Variants in BICD1 observed in about 807,000 individuals in gnomAD.
BICD1 encodes the protein BICD cargo adaptor 1, also known as protein bicaudal D homolog 1.
In BICD1, 35 loss-of-function variants were observed where a neutral mutation model predicts 92.5. The observed-to-expected ratio is 0.38, with a 90% CI of 0.29 to 0.50. The LOEUF is 0.50. BICD1 is among the 20% of genes least tolerant of loss of function. BICD1 has a pLI of 0.93. For synonymous variants in BICD1, 429 were observed against 465.1 expected (o/e 0.92, Z 1.00); for missense variants, 950 against 1,189.8 (o/e 0.80, Z 2.97).
At chr12:32,348,723 A>AATATATATAT (rs11272207) in intron 8 of BICD1, among the ~76,000 whole-genome samples, 49 of 117,970 alleles carry the variant, frequency 4.2e-4, no homozygotes, top group South Asian at 1.2e-3. Flanking sequence ...CTCACACAAA[A>AATATATATAT]ATATATATAT....
At chr12:32,196,117 G>A (rs1944718716) in intron 1 of BICD1, among the ~76,000 whole-genome samples, 1 of 152,154 alleles carries the variant, frequency 6.6e-6, no homozygotes, top group African/African-American at 2.4e-5. Flanking sequence ...CTGTTATAAT[G>A]ACTTTATCAA....
intron 1 of BICD1, among the ~76,000 whole-genome samples, chr12:32,115,387 G>T (rs2925973): frequency 0.28 from 39,081 of 141,210 alleles, 5,658 homozygotes; most frequent in Admixed American, 0.41. Flanking sequence ...GGTGTTTTTG[G>T]TTTTTTTTTT....
chr12:32,295,115 T>C (rs1947833210), intron 3 of BICD1, among the ~76,000 whole-genome samples: 1 of 149,902 alleles, frequency 6.7e-6, no homozygotes, highest in Non-Finnish European at 1.5e-5. Flanking sequence ...AGAAAATGCC[T>C]GTTTTCTTTT....
Position 32,305,964 on chromosome 12 carries a change from G to A in BICD1, c.847G>A (p.Asp283Asn). The change falls in exon 4 of 10, where the codon GAC (aspartate) becomes AAC (asparagine). Residue 283 changes from aspartate to asparagine, a missense_variant. Physicochemically the swap from Asp to Asn is conservative, Grantham distance 23. Transcript: ENST00000652176. ...GGATGGGAGTGAACCAAACAATGATGACAAAATGAACGGTCATATCCATGG... is the reference window on the plus strand; with the variant it reads ...GGATGGGAGTGAACCAAACAATGATAACAAAATGAACGGTCATATCCATGG... ...AEDGSEPNND[D>N]KMNGHIHGPL... 1.2e-6 allele frequency: 2 copies of A among 1,614,182 alleles called. No individual in the cohort carries two copies. The highest frequency in any genetic ancestry group is 1.7e-6 in the Non-Finnish European group (2 of 1,180,038).
intron 2 of BICD1, among the ~76,000 whole-genome samples, chr12:32,271,764 A>G (rs1006356343): frequency 3.0e-4 from 45 of 152,088 alleles, no homozygotes; most frequent in African/African-American, 1.0e-3. Flanking sequence ...TTTTAATCCT[A>G]TTGCCTGGAT....
At chr12:32,188,029 C>A (rs1944468411) in intron 1 of BICD1, among the ~76,000 whole-genome samples, 1 of 152,052 alleles carries the variant, frequency 6.6e-6, no homozygotes, top group South Asian at 2.1e-4. Context: ...ACCTCCGCCT[C>A]CCGGGTTCAT....
chr12:32,146,410 G>A (rs1172605092), intron 1 of BICD1, among the ~76,000 whole-genome samples: 1 of 152,002 alleles, frequency 6.6e-6, no homozygotes, highest in Non-Finnish European at 1.5e-5. Flanking sequence ...GAGTTAAAGG[G>A]AACTATGGTC....
chr12:32,339,604 CT>C lies in BICD1; in HGVS notation c.2764+630del, dbSNP rs1195625502. 13 of 985,072 alleles carry C rather than the reference CT, an allele frequency of 1.3e-5. No individual in the cohort carries two copies. In the African/African-American group the frequency reaches 2.1e-4, roughly 16 times the overall value. 61.0% of individuals were successfully genotyped at this position (985,072 alleles called of 1,614,324 possible). A position where few individuals can be genotyped will look rare whatever the true frequency, so the allele number is the denominator to read the frequency against. Reference sequence around the variant, plus strand: ...TCTTTCTTCCTTCCTTCCTTTCATTCTTTTTACTTGTTCTATGAAGAGGCCT... The same window carrying C: ...TCTTTCTTCCTTCCTTCCTTTCATTCTTTTACTTGTTCTATGAAGAGGCCT... On this transcript the variant is annotated intron_variant, in intron 8 of 9. Transcript: ENST00000652176.
At chr12:32,255,803 G>A (rs1401886817) in intron 2 of BICD1, among the ~76,000 whole-genome samples, 9 of 152,190 alleles carry the variant, frequency 5.9e-5, no homozygotes, top group Admixed American at 3.9e-4. Flanking sequence ...TACCCAATCA[G>A]AATTACTCCC....
intron 2 of BICD1, among the ~76,000 whole-genome samples, chr12:32,223,527 A>AAAAG (rs1204377456): frequency 6.6e-6 from 1 of 151,942 alleles, no homozygotes; most frequent in East Asian, 1.9e-4. Context: ...AAAAAAAAAA[A>AAAAG]AAAAAAAAAG....
At chr12:32,280,238 T>C (rs1384153144) in intron 2 of BICD1, among the ~76,000 whole-genome samples, 1 of 152,250 alleles carries the variant, frequency 6.6e-6, no homozygotes, top group Non-Finnish European at 1.5e-5. Context: ...ATTAAACTTA[T>C]ATAATACAGA....
chr12:32,366,266 A>G (rs1939521186), intron 8 of BICD1, among the ~76,000 whole-genome samples: 1 of 152,228 alleles, frequency 6.6e-6, no homozygotes, highest in Non-Finnish European at 1.5e-5. Flanking sequence ...ATATCAGTAG[A>G]GCCTCGTTAA....
chr12:32,190,197 A>G (rs1944527641), intron 1 of BICD1, among the ~76,000 whole-genome samples: 1 of 152,250 alleles, frequency 6.6e-6, no homozygotes, highest in Non-Finnish European at 1.5e-5. Flanking sequence ...GAAGAAAGGA[A>G]CAAATGAACT....
At chr12:32,321,304 C>T (rs969958827) in intron 4 of BICD1, among the ~76,000 whole-genome samples, 3 of 151,910 alleles carry the variant, frequency 2.0e-5, no homozygotes, top group East Asian at 1.9e-4. Context: ...CCAGCCTGGG[C>T]GACAGAGTGA....
chr12:32,178,178 A>G (rs1322116089), intron 1 of BICD1, among the ~76,000 whole-genome samples: 3 of 151,928 alleles, frequency 2.0e-5, no homozygotes, highest in Non-Finnish European at 4.4e-5. Flanking sequence ...TGGTAGGCTG[A>G]TTGAGGGTAG....
chr12:32,162,520 C>A (rs1314621780), intron 1 of BICD1, among the ~76,000 whole-genome samples: 1 of 152,130 alleles, frequency 6.6e-6, no homozygotes, highest in African/African-American at 2.4e-5. Context: ...TGGGTATCAT[C>A]TTTCTTCAAA....
intron 2 of BICD1, among the ~76,000 whole-genome samples, chr12:32,277,737 A>G (rs1307710249): frequency 6.6e-6 from 1 of 152,216 alleles, no homozygotes. Context: ...CTTGATTTGC[A>G]AATCAAGCTG....
At chr12:32,240,369 G>T (rs1350720785) in intron 2 of BICD1, among the ~76,000 whole-genome samples, 1 of 151,686 alleles carries the variant, frequency 6.6e-6, no homozygotes, top group East Asian at 1.9e-4. Context: ...AAGGCTCTGG[G>T]GAAGCGTACA....
intron 5 of BICD1, among the ~76,000 whole-genome samples, chr12:32,330,861 G>A (rs114498147): frequency 2.4e-3 from 367 of 152,276 alleles, no homozygotes; most frequent in African/African-American, 8.4e-3. Context: ...AGGTCTGGGC[G>A]CAATGGCTCA....
Sources: allele counts gnomAD v4.1 joint callset (sites outside exome capture counted in the v4.1 genomes callset), GRCh38; gene constraint gnomAD v4.1.1; transcripts MANE v1.5; gene names NCBI Gene and HGNC (gene_info 2026-07-23, HGNC 2026-07-21).